DNAH8: variants seen among roughly 807,000 people sequenced by gnomAD.
DNAH8 encodes axonemal beta dynein heavy chain 8.
Under a neutral mutation model 562.1 loss-of-function variants are expected in DNAH8, and 382 were observed. The observed-to-expected ratio is 0.68, with a 90% confidence interval of 0.63 to 0.74. The LOEUF (loss-of-function observed/expected upper bound fraction) is 0.74, where lower values mean the gene tolerates loss of function less well. Ranked by LOEUF, DNAH8 falls within the 30% of genes least tolerant of loss-of-function variation. The pLI is 0.00. For synonymous variants in DNAH8, 1,881 were observed against 1,919.4 expected, an observed-to-expected ratio of 0.98 and a Z score of 0.52; for missense variants, 5,203 against 5,620.4, an observed-to-expected ratio of 0.93 and a Z score of 2.37.
At position 39,000,388 on chromosome 6, in the gene DNAH8, CT is replaced by C. The variant is rs563279532; in HGVS notation, c.13215-8425del. On this transcript the variant is annotated intron_variant, in intron 88 of 92. Transcript: ENST00000327475. ...GCCTTAAAGCAGGGGTCCACTACCC[CT>C]GGGCCACAAGCCAATACCAGTCCGT... is the stretch of plus-strand genomic sequence containing the variant. Among the ~76,000 whole-genome samples, 199 of 152,300 alleles carry C rather than the reference CT, an allele frequency of 1.3e-3. 1 individual carries two copies. The highest frequency in any genetic ancestry group is 4.5e-3 in the African/African-American group (188 of 41,572).
rs781741480 is a variant in DNAH8 at position 38,926,120 on chromosome 6, G to A, written c.11028G>A (p.Val3676=). ...DDLSIQNGII[V]TKATRYPLLI... is the part of the protein sequence containing the mutation. ...TCTCAATTCAGAATGGCATTATTGT[G>A]ACAAAGGCCACCAGATACCCACTCC... is the stretch of plus-strand genomic sequence containing the variant. Residue 3676 remains valine, a synonymous_variant, in exon 74 of 93, where the codon GTG becomes GTA. Coordinates refer to ENST00000327475, the MANE Select transcript of DNAH8 (RefSeq NM_001206927.2). The A allele has an allele frequency of 2.5e-6, 4 of 1,613,734 alleles. No individual in the cohort carries two copies. Among genetic ancestry groups the A allele is most frequent in the Non-Finnish European group, 3.4e-6 (4 of 1,179,786 alleles).
chr6:38,755,970 A>G lies in DNAH8; in HGVS notation c.1408-2A>G. On this transcript the variant is annotated splice_acceptor_variant, in intron 9 of 92. Transcript: ENST00000327475. LOFTEE classifies it high-confidence loss of function. ...AATTCACTTAATTTGTTTCAATGTT[A>G]GGTTTCCATGGCACATGGAATACAA... is the stretch of plus-strand genomic sequence containing the variant. The G allele has an allele frequency of 6.4e-7, 1 of 1,552,356 alleles. No homozygotes were observed. Among genetic ancestry groups the G allele is most frequent in the Non-Finnish European group, 8.9e-7 (1 of 1,124,868 alleles).
At chr6:39,003,866 A>G (rs1296005660) in intron 88 of DNAH8, among the ~76,000 whole-genome samples, 4 of 152,234 alleles carry the variant, frequency 2.6e-5, no homozygotes, top group Non-Finnish European at 4.4e-5. Context: ...TATACTGTAT[A>G]TAAAATGTAA....
At chr6:38,794,311 ATT>A (rs111784032) in intron 21 of DNAH8, among the ~76,000 whole-genome samples, 2 of 141,510 alleles carry the variant, frequency 1.4e-5, no homozygotes, top group Non-Finnish European at 3.1e-5. Context: ...CAAGGCCTTA[ATT>A]TTTTTTTTTT....
intron 27 of DNAH8, 115 bp from the exon 28 acceptor site, chr6:38,823,447 G>T: frequency 1.3e-6 from 1 of 741,284 alleles, no homozygotes. Context: ...CCCAGCCACT[G>T]GCCCCATTGC....
intron 1 of DNAH8, among the ~76,000 whole-genome samples, chr6:38,721,179 C>T (rs976241983): frequency 1.3e-5 from 2 of 152,054 alleles, no homozygotes; most frequent in South Asian, 2.1e-4. Context: ...AGGCATGTAT[C>T]GTGGTGCATT....
chr6:38,888,848 G>A (rs1465567992), intron 57 of DNAH8, among the ~76,000 whole-genome samples: 2 of 152,236 alleles, frequency 1.3e-5, no homozygotes, highest in South Asian at 4.1e-4. Context: ...GTAAAGTAGG[G>A]CGTGTGCCCA....
chr6:38,800,626 C>G (rs1299995308), intron 21 of DNAH8, among the ~76,000 whole-genome samples: 1 of 152,188 alleles, frequency 6.6e-6, no homozygotes, highest in Non-Finnish European at 1.5e-5. Flanking sequence ...AAGCGATTCT[C>G]CTGCCTCAGC....
chr6:38,914,761 C>T (rs1445389426), intron 67 of DNAH8, among the ~76,000 whole-genome samples: 1 of 152,062 alleles, frequency 6.6e-6, no homozygotes, highest in Non-Finnish European at 1.5e-5. Flanking sequence ...TAGCCAGTTG[C>T]TGAAATGAGT....
chr6:38,715,960 A>ATTTTTT (rs869120118), intron 1 of DNAH8, among the ~76,000 whole-genome samples: 6 of 23,626 alleles, frequency 2.5e-4, no homozygotes, highest in Admixed American at 6.7e-4. Context: ...ATATATATAT[A>ATTTTTT]TTTTTTTTTT....
intron 86 of DNAH8, among the ~76,000 whole-genome samples, chr6:38,982,987 G>T (rs1257244612): frequency 6.6e-6 from 1 of 152,150 alleles, no homozygotes; most frequent in Admixed American, 6.5e-5. Flanking sequence ...AATAAAAAAG[G>T]CATTATTATT....
intron 17 of DNAH8, among the ~76,000 whole-genome samples, chr6:38,785,565 C>T (rs1334553793): frequency 6.6e-6 from 1 of 152,072 alleles, no homozygotes; most frequent in Non-Finnish European, 1.5e-5. Flanking sequence ...CTGCACCTGT[C>T]CACCTGTCAT....
chr6:38,720,009 G>A (rs1762622174), intron 1 of DNAH8, among the ~76,000 whole-genome samples: 1 of 152,160 alleles, frequency 6.6e-6, no homozygotes, highest in African/African-American at 2.4e-5. Flanking sequence ...CAGTACCACA[G>A]AGAAGTGAAA....
intron 68 of DNAH8, among the ~76,000 whole-genome samples, chr6:38,916,576 A>G (rs1198586724): frequency 6.6e-6 from 1 of 152,214 alleles, no homozygotes. Flanking sequence ...TCATTTAATA[A>G]AATTTTCACA....
intron 91 of DNAH8, among the ~76,000 whole-genome samples, chr6:39,018,436 C>T (rs973227781): frequency 2.0e-5 from 3 of 152,208 alleles, no homozygotes; most frequent in African/African-American, 7.2e-5. Flanking sequence ...CCTCTGATCT[C>T]TTCCTACCTC....
chr6:39,028,310 T>C (rs1300263484), intron 92 of DNAH8, among the ~76,000 whole-genome samples: 3 of 152,204 alleles, frequency 2.0e-5, no homozygotes, highest in African/African-American at 7.2e-5. Context: ...AACAGAGATC[T>C]ATTCTCTCAT....
intron 74 of DNAH8, among the ~76,000 whole-genome samples, chr6:38,928,542 T>G (rs1190660808): frequency 6.6e-6 from 1 of 152,226 alleles, no homozygotes; most frequent in Non-Finnish European, 1.5e-5. Context: ...GTGCAGAATT[T>G]TTTTTTAGTT....
In DNAH8 at chr6:38,898,276, C is replaced by T; in HGVS notation, c.8959C>T (p.Leu2987=). ...CCCATAGATGCCATCCTTTGACTTT[C>T]TGGCTGAAAAACTCCAGTTTTACCA... is the stretch of plus-strand genomic sequence containing the variant. ...IYELMPSFDF[L]AEKLQFYQRQ... Residue 2987 remains leucine (L), a synonymous_variant, in exon 61 of 93, where the codon CTG becomes TTG. Transcript: ENST00000327475. The T allele has an allele frequency of 6.3e-7, 1 of 1,591,040 alleles. No homozygotes were observed. The highest frequency in any genetic ancestry group is 1.2e-5 in the South Asian group (1 of 84,660).
chr6:38,932,622 C>T (rs924763107), intron 76 of DNAH8, among the ~76,000 whole-genome samples: 3 of 152,026 alleles, frequency 2.0e-5, no homozygotes, highest in Admixed American at 6.5e-5. Flanking sequence ...TTATAAAGTA[C>T]ATTTGCATAA....
Sources: gnomAD v4.1 joint callset for allele counts (sites outside exome capture counted in the v4.1 genomes callset) on GRCh38, gnomAD v4.1.1 for gene constraint, MANE v1.5 for transcripts, NCBI Gene and HGNC (gene_info 2026-07-23, HGNC 2026-07-21) for gene names.